Variants in ZNF185 observed in about 807,000 individuals in gnomAD.
ZNF185 encodes the protein zinc finger protein 185 with LIM domain, also known as zinc finger protein 185.
In ZNF185, 56 loss-of-function variants were observed where a neutral mutation model predicts 58.6. The observed-to-expected ratio is 0.95, with a 90% CI of 0.77 to 1.19. The LOEUF is 1.19. Ranked by LOEUF, ZNF185 falls within the 50% of genes most tolerant of loss-of-function variation. The pLI is 0.00. For missense variants in ZNF185, 627 were observed against 573.5 expected (o/e 1.09, Z -0.95); for synonymous variants, 230 against 215.9 (o/e 1.07, Z -0.57).
intron 14 of ZNF185, among the ~76,000 whole-genome samples, 162 bp downstream of exon 16, chrX:152,936,675 T>C (rs12559232): frequency 0.42 from 45,869 of 109,399 alleles, 7,238 homozygotes; most frequent in Non-Finnish European, 0.46. Flanking sequence ...CAGGGGGAGC[T>C]CTGACCAGGG....
Position 152,919,192 on chromosome X carries a change from A to AGGCC in ZNF185, c.530+112_530+115dup, listed in dbSNP as rs781868470. ...TGGGGTGACAAAATGCACAACACGTAGGCCATCAGCGGTAGCCCACGGAGC... is the reference window on the plus strand; with the variant it reads ...TGGGGTGACAAAATGCACAACACGTAGGCCGGCCATCAGCGGTAGCCCACGGAGC... On this transcript the variant is annotated intron_variant, in intron 7 of 22. Transcript: ENST00000449285. The AGGCC allele has an allele frequency of 3.5e-4, 206 of 589,381 alleles. 3 individuals carry two copies. The East Asian group carries it at 7.3e-3, about 21-fold the overall frequency. 48.6% of individuals were successfully genotyped at this position (589,381 alleles called of 1,213,427 possible).
At chrX:152,943,029 G>A (rs1326978370) in intron 15 of ZNF185, among the ~76,000 whole-genome samples, 2 of 111,564 alleles carry the variant, frequency 1.8e-5, no homozygotes, top group East Asian at 5.6e-4. Flanking sequence ...TTGAAACAAT[G>A]TTTCACTTCT....
At position 152,937,968 on chromosome X, in the gene ZNF185, GAC is replaced by G. The variant is rs1301762309; in HGVS notation, c.1122-102_1122-101del. ...ACTGAGACACCAGCCTTTACTGGAAGACACAGTTCCTCCCTTTCTGGTGAGAA... is the reference window on the plus strand; with the variant it reads ...ACTGAGACACCAGCCTTTACTGGAAGACAGTTCCTCCCTTTCTGGTGAGAA... On this transcript the variant is annotated intron_variant, in intron 14 of 22. Transcript: ENST00000449285. 2.3e-5 allele frequency: 17 copies of G among 729,063 alleles called. No individual in the cohort carries two copies. In the African/African-American group the frequency reaches 2.6e-4, roughly 11 times the overall value. The allele number at this position is 729,063 out of a possible 1,213,427, so 60.1% of individuals were successfully genotyped here. A position where few individuals can be genotyped will look rare whatever the true frequency, so the allele number is the denominator to read the frequency against.
At position 152,938,941 on chromosome X, in the gene ZNF185, G is replaced by A. The variant is rs782804913; in HGVS notation, c.1211+778G>A. 2.7e-4 allele frequency among the ~76,000 whole-genome samples: 28 copies of A among 105,415 alleles called. No individual in the cohort carries two copies. In the South Asian group the frequency reaches 5.6e-3, roughly 21 times the overall value. 91.5% of individuals were successfully genotyped at this position (105,415 alleles called of 115,157 possible). A position where few individuals can be genotyped will look rare whatever the true frequency, so the allele number is the denominator to read the frequency against. ...AAGGAGCCAACTCTAGAAAGAACAC[G>A]GTGGAGAGAGCTATAGATAAGGAAC... On this transcript the variant is annotated intron_variant, in intron 15 of 22. Transcript: ENST00000449285.
intron 21 of ZNF185, among the ~76,000 whole-genome samples, chrX:152,970,005 C>G (rs1480037097): frequency 8.9e-6 from 1 of 112,051 alleles, no homozygotes; most frequent in Admixed American, 9.4e-5. Flanking sequence ...ACAACCCTCC[C>G]CTTTGCCTTG....
intron 14 of ZNF185, among the ~76,000 whole-genome samples, chrX:152,933,299 C>T (rs1556879167): frequency 8.9e-6 from 1 of 112,437 alleles, no homozygotes; most frequent in Non-Finnish European, 1.9e-5. Flanking sequence ...CATGAAGGGA[C>T]AAATTAATGA....
chrX:152,972,813 CTG>C (rs1234237187), exon 23 of ZNF185: 1 of 111,806 alleles, frequency 8.9e-6, no homozygotes, highest in African/African-American at 3.3e-5. Context: ...CAGCATCACT[CTG>C]TAAGTTCCTT....
intron 15 of ZNF185, among the ~76,000 whole-genome samples, 164 bp from the exon 18 acceptor site, chrX:152,945,103 G>C (rs1204781784): frequency 8.8e-6 from 1 of 113,176 alleles, no homozygotes; most frequent in Non-Finnish European, 1.9e-5. Flanking sequence ...GGAGGAGACT[G>C]TCTGCTCCCT....
At position 152,932,972 on chromosome X, in the gene ZNF185, G is replaced by A. The variant is rs191328090; in HGVS notation, c.1121+1G>A. 216 of 1,185,221 alleles carry A rather than the reference G, an allele frequency of 1.8e-4. No homozygotes were observed. The African/African-American group carries it at 2.1e-3, about 11-fold the overall frequency. ...TAGACATCGGCTCCGAGAGAGGAAG[G>A]TGAGCTGCCCGGGGGAGGCAGGTTC... On this transcript the variant is annotated splice_donor_variant, in intron 14 of 22. Transcript: ENST00000449285. LOFTEE classifies it high-confidence loss of function.
intron 3 of ZNF185, among the ~76,000 whole-genome samples, chrX:152,916,399 T>G (rs1197307316): frequency 1.8e-5 from 2 of 111,696 alleles, no homozygotes; most frequent in Non-Finnish European, 3.8e-5. Flanking sequence ...CACCCCTGGC[T>G]GTCAGCTCCC....
At chrX:152,966,017 T>A (rs1347274767) in intron 19 of ZNF185, among the ~76,000 whole-genome samples, 3 of 109,229 alleles carry the variant, frequency 2.7e-5, no homozygotes, top group Non-Finnish European at 5.7e-5. Context: ...TTTTAATTAA[T>A]TTTTTTTTGA....
chrX:152,971,260 C>T lies in ZNF185; in HGVS notation c.*1-14C>T, dbSNP rs2050649659. 2 of 111,084 alleles carry T rather than the reference C, an allele frequency of 1.8e-5. No individual in the cohort carries two copies. The highest frequency in any genetic ancestry group is 7.8e-4 in the South Asian group (2 of 2,561). 9.2% of individuals were successfully genotyped at this position (111,084 alleles called of 1,213,427 possible). On this transcript the variant is annotated splice_polypyrimidine_tract_variant and intron_variant, in intron 22 of 22. Transcript: ENST00000449285. ...TGTGTTTCCAGTCTCATGGCTACTT[C>T]TGTTTTCTTTTAGCGACCCCCCACC...
chrX:152,914,730 G>C (rs1938026369), exon 2 of ZNF185: 2 of 1,198,888 alleles, frequency 1.7e-6, no homozygotes, highest in Non-Finnish European at 2.2e-6. Context: ...GCCACCAGGC[G>C]AGGAGGAGCG....
At chrX:152,903,999 G>A in the ZNF185 span, among the ~76,000 whole-genome samples, 13 of 112,414 alleles carry the variant, frequency 1.2e-4, no homozygotes, top group African/African-American at 3.6e-4. Context: ...TCATGCAGAA[G>A]TCATTTACCT....
At position 152,924,684 on chromosome X, in the gene ZNF185, G is replaced by C. The variant is rs181797422; in HGVS notation, c.830+1875G>C. Among the ~76,000 whole-genome samples the C allele has an allele frequency of 9.0e-5, 10 of 111,676 alleles. No homozygotes were observed. In the Admixed American group the frequency reaches 9.5e-4, roughly 11 times the overall value. On this transcript the variant is annotated intron_variant, in intron 11 of 22. Coordinates refer to ENST00000449285, the Ensembl canonical transcript of ZNF185. ...TGCCTTTCTGTTTGTTCGTTTGTTTGTTTTGTTTGTTTTTGAGATGGAGTC... is the reference window on the plus strand; with the variant it reads ...TGCCTTTCTGTTTGTTCGTTTGTTTCTTTTGTTTGTTTTTGAGATGGAGTC...
At chrX:152,930,218 G>A (rs961606465) in intron 12 of ZNF185, among the ~76,000 whole-genome samples, 8 of 111,990 alleles carry the variant, frequency 7.1e-5, no homozygotes, top group Non-Finnish European at 1.5e-4. Flanking sequence ...AGGGAGCAGG[G>A]GGACAGAGAG....
At chrX:152,962,012 G>C (rs1273251738) in intron 17 of ZNF185, among the ~76,000 whole-genome samples, 1 of 112,099 alleles carries the variant, frequency 8.9e-6, no homozygotes, top group Non-Finnish European at 1.9e-5. Flanking sequence ...GTTAGAGCAA[G>C]GATGGTTAGG....
At chrX:152,959,741 C>T (rs376631959) in exon 17 of ZNF185, 8 of 1,211,694 alleles carry the variant, frequency 6.6e-6, no homozygotes, top group Non-Finnish European at 8.9e-6. Flanking sequence ...CCACCAAGGT[C>T]GGAGAGGCCT....
chrX:152,923,325 A>G (rs897323189), intron 11 of ZNF185, among the ~76,000 whole-genome samples: 2 of 111,879 alleles, frequency 1.8e-5, no homozygotes, highest in African/African-American at 6.5e-5. Context: ...CACTGTCCTC[A>G]GGGTTACTTC....
Sources: allele counts gnomAD v4.1 joint callset (sites outside exome capture counted in the v4.1 genomes callset), GRCh38; gene constraint gnomAD v4.1.1; transcripts MANE v1.5; gene names NCBI Gene and HGNC (gene_info 2026-07-23, HGNC 2026-07-21).